Variants in XIRP1 observed in about 807,000 individuals in gnomAD.
XIRP1 encodes the protein xin actin binding repeat containing 1.
For missense variants in XIRP1, 2,378 were observed against 2,345.4 expected (o/e 1.01, Z -0.29); for synonymous variants, 984 against 947.0 (o/e 1.04, Z -0.72).
Position 39,184,088 on chromosome 3 carries a change from G to A in XIRP1, c.5358C>T (p.Ser1786=), listed in dbSNP as rs1338252104. 1.9e-6 allele frequency: 3 copies of A among 1,607,996 alleles called. No individual in the cohort carries two copies. The highest frequency in any genetic ancestry group is 2.6e-6 in the Non-Finnish European group (3 of 1,175,806). Residue 1786 remains serine (S), a synonymous_variant, in exon 2 of 2, where the codon TCC becomes TCT. Coordinates refer to ENST00000340369, the MANE Select transcript of XIRP1 (RefSeq NM_194293.4). ...GCTCTGCCTGCTCGGTGACTGTGGT[G>A]GAAGACATGAGGACTGTGTTCCCAA... ...DQFGNTVLMS[S]TTVTEQAEPP...
chr3:39,188,948 G>C lies in XIRP1; in HGVS notation c.498C>G (p.Asp166Glu), dbSNP rs115099187. Residue 166 changes from aspartate (D) to glutamate (E), a missense_variant, in exon 2 of 2, where the codon GAC becomes GAG. Physicochemically the swap from Asp to Glu is conservative, Grantham distance 45. Coordinates refer to ENST00000340369, the MANE Select transcript of XIRP1 (RefSeq NM_194293.4). The part of the protein sequence containing the change: ...ARWLFETKPL[D>E]ELTGQAKELE... Reference sequence around the variant, plus strand: ...GTTCCTTGGCTTGCCCTGTCAGCTCGTCCAGTGGCTTTGTCTCAAATAGCC... The same window carrying C: ...GTTCCTTGGCTTGCCCTGTCAGCTCCTCCAGTGGCTTTGTCTCAAATAGCC... The C allele has an allele frequency of 1.9e-5, 30 of 1,613,528 alleles. No individual in the cohort carries two copies. The African/African-American group carries it at 3.5e-4, about 19-fold the overall frequency.
In XIRP1 at chr3:39,184,533, G is replaced by A; in HGVS notation, c.4913C>T (p.Ala1638Val). Residue 1638 changes from alanine to valine, a missense_variant, in exon 2 of 2, where the codon GCC (alanine) becomes GTC (valine). Physicochemically the swap from Ala to Val is moderately conservative, Grantham distance 64. Transcript: ENST00000340369. ...CCTCCTGGTGGAAGGGGCAGTTGAG[G>A]CTGTGTGACCTCTGGCCTCTGTGTG... ...RNHTEARGHT[A>V]STAPSTRRQE... The A allele has an allele frequency of 1.2e-5, 19 of 1,613,754 alleles. No individual in the cohort carries two copies. The highest frequency in any genetic ancestry group is 1.6e-5 in the Non-Finnish European group (19 of 1,180,048).
Position 39,188,067 on chromosome 3 carries a change from G to A in XIRP1, c.1379C>T (p.Ala460Val). 1 of 1,614,184 alleles carries A rather than the reference G, an allele frequency of 6.2e-7. No homozygotes were observed. Among genetic ancestry groups the A allele is most frequent in the Non-Finnish European group, 8.5e-7 (1 of 1,180,028 alleles). ...LDSIGQGEVL[A>V]HGSPSREEGT... ...TTCTTCTCTGCTTGGACTCCCATGG[G>A]CCAGAACCTCACCCTGTCCAATGCT... Residue 460 changes from alanine to valine, a missense_variant, in exon 2 of 2, where the codon GCC becomes GTC. Ala to Val is a moderately conservative substitution (Grantham distance 64, BLOSUM62 0). Coordinates refer to ENST00000340369, the MANE Select transcript of XIRP1 (RefSeq NM_194293.4).
chr3:39,185,072 A>C lies in XIRP1; in HGVS notation c.4374T>G (p.Pro1458=). Residue 1458 remains proline (P), a synonymous_variant, in exon 2 of 2, where the codon CCT becomes CCG. Transcript: ENST00000340369. ...QPMEGSHQGA[P]ESPDSLQRNQ... ...TTCTTTGCAGACTGTCAGGGCTCTC[A>C]GGGGCCCCTTGGTGGGAACCTTCCA... 2 of 1,524,430 alleles carry C rather than the reference A, an allele frequency of 1.3e-6. No homozygotes were observed. The highest frequency in any genetic ancestry group is 1.8e-6 in the Non-Finnish European group (2 of 1,139,618). 94.4% of individuals were successfully genotyped at this position (1,524,430 alleles called of 1,614,324 possible).
chr3:39,186,595 C>G lies in XIRP1; in HGVS notation c.2851G>C (p.Asp951His), dbSNP rs758509230. The G allele has an allele frequency of 6.2e-7, 1 of 1,609,770 alleles. No individual in the cohort carries two copies. Among genetic ancestry groups the G allele is most frequent in the African/African-American group, 1.3e-5 (1 of 74,800 alleles). ...LHSLRWEPPA[D>H]PSPVPASEGA... Reference sequence around the variant, plus strand: ...TCGCTGGCTGGCACTGGACTCGGGTCAGCCGGGGGCTCCCACCGCAGACTG... The same window carrying G: ...TCGCTGGCTGGCACTGGACTCGGGTGAGCCGGGGGCTCCCACCGCAGACTG... The change falls in exon 2 of 2, where the codon GAC becomes CAC. Residue 951 changes from aspartate (D) to histidine (H), a missense_variant. Transcript: ENST00000340369.
Position 39,188,567 on chromosome 3 carries a change from C to A in XIRP1, c.879G>T (p.Gly293=), listed in dbSNP as rs894419722. 6.2e-7 allele frequency: 1 copy of A among 1,612,912 alleles called. No homozygotes were observed. The highest frequency in any genetic ancestry group is 8.5e-7 in the Non-Finnish European group (1 of 1,179,212). ...GCCGGGCCCCCTCCTCCAGGGAAAT[C>A]CCCCGGATCACCCGCACCTGGCTGG... ...QDPSQVRVIR[G]ISLEEGARPD... Residue 293 remains glycine (G), a synonymous_variant, in exon 2 of 2, where the codon GGG becomes GGT. Coordinates refer to ENST00000340369, the MANE Select transcript of XIRP1 (RefSeq NM_194293.4).
In XIRP1 at chr3:39,187,849, C is replaced by T. The variant is rs200522996; in HGVS notation, c.1597G>A (p.Val533Met). ...TCCTGCCGGGTGATGCCCCGCACCA[C>T]GTCGATGGTACTGGGGCTTCGGCCG... Reference protein sequence around the residue: ...QLGRSPSTIDVVRGITRQEVV... With the variant: ...QLGRSPSTIDMVRGITRQEVV... Residue 533 changes from valine to methionine, a missense_variant, in exon 2 of 2, where the codon GTG becomes ATG. Transcript: ENST00000340369. 121 of 1,614,172 alleles carry T rather than the reference C, an allele frequency of 7.5e-5. No individual in the cohort carries two copies. Among genetic ancestry groups the T allele is most frequent in the Middle Eastern group, 6.6e-4 (4 of 6,062 alleles).
In XIRP1 at chr3:39,188,159, G is replaced by T; in HGVS notation, c.1287C>A (p.Pro429=). ...CATCCCCCTTTAGCTCATCCCTCTG[G>T]GGGGCACTCTGAGAGAAGGGCAGTG... is the stretch of plus-strand genomic sequence containing the variant. ...SSALPFSQSA[P]QRDELKGDVK... The change falls in exon 2 of 2, where the codon CCC becomes CCA. Residue 429 remains proline (P), a synonymous_variant. Transcript: ENST00000340369. The T allele has an allele frequency of 6.2e-7, 1 of 1,614,150 alleles. No individual in the cohort carries two copies. Among genetic ancestry groups the T allele is most frequent in the Non-Finnish European group, 8.5e-7 (1 of 1,180,018 alleles).
At chr3:39,189,668 T>C in intron 1 of XIRP1, 143 bp from the exon 2 acceptor site, 1 of 619,522 alleles carries the variant, frequency 1.6e-6, no homozygotes, top group South Asian at 2.5e-5. Context: ...GGTCTTGAAC[T>C]TAGGACATGG....
Position 39,183,993 on chromosome 3 carries a change from G to A in XIRP1, c.5453C>T (p.Pro1818Leu), listed in dbSNP as rs2039911293. 6.2e-6 allele frequency: 10 copies of A among 1,612,734 alleles called. No individual in the cohort carries two copies. Among genetic ancestry groups the A allele is most frequent in the Non-Finnish European group, 8.5e-6 (10 of 1,179,946 alleles). ...TGTCAGGTCACTGCTGAACCCAGCT[G>A]GGCTGTGCAGGAACTGCCTCAGCAA... ...SPLLRQFLHS[P>L]AGFSSDLTEA... The change falls in exon 2 of 2, where the codon CCA becomes CTA. Residue 1818 changes from proline to leucine, a missense_variant. By Grantham distance (98) the Pro-to-Leu change is moderately conservative. Transcript: ENST00000340369.
In XIRP1 at chr3:39,184,253, A is replaced by C; in HGVS notation, c.5193T>G (p.Pro1731=). The C allele has an allele frequency of 6.2e-7, 1 of 1,614,140 alleles. No individual in the cohort carries two copies. The highest frequency in any genetic ancestry group is 8.5e-7 in the Non-Finnish European group (1 of 1,179,984). The change falls in exon 2 of 2, where the codon CCT becomes CCG. Residue 1731 remains proline (P), a synonymous_variant. Coordinates refer to ENST00000340369, the MANE Select transcript of XIRP1 (RefSeq NM_194293.4). ...KKDITQCSVQ[P]EPAPPSASPL... is the part of the protein sequence containing the mutation. ...GACTGGCTGAGGGAGGGGCAGGTTC[A>C]GGTTGCACAGAGCACTGGGTGATGT...
chr3:39,189,014 G>C lies in XIRP1; in HGVS notation c.432C>G (p.Thr144=). The change falls in exon 2 of 2, where the codon ACC becomes ACG. Residue 144 remains threonine (T), a synonymous_variant. Coordinates refer to ENST00000340369, the MANE Select transcript of XIRP1 (RefSeq NM_194293.4). ...CGTCTCCTCCACCTGGCTGGGGCCT[G>C]GTTGGCTCCTGGTCTGTGCTGTTGG... ...SFANSTDQEP[T]RPQPGGGDVR... is the part of the protein sequence containing the mutation. 6.2e-7 allele frequency: 1 copy of C among 1,613,996 alleles called. No individual in the cohort carries two copies. The highest frequency in any genetic ancestry group is 8.5e-7 in the Non-Finnish European group (1 of 1,180,052).
rs2125903250 is a variant in XIRP1 at position 39,188,782 on chromosome 3, G to C, written c.664C>G (p.Gln222Glu). 1 of 1,613,626 alleles carries C rather than the reference G, an allele frequency of 6.2e-7. No homozygotes were observed. Among genetic ancestry groups the C allele is most frequent in the East Asian group, 2.2e-5 (1 of 44,884 alleles). ...TTTTTCACATCACCCTTCAGCTCCT[G>C]GATCTCTGAGCGCAGTTCCAAGGGG... is the stretch of plus-strand genomic sequence containing the variant. ...QSPLELRSEI[Q>E]ELKGDVKKTV... The change falls in exon 2 of 2, where the codon CAG becomes GAG. Residue 222 changes from glutamine to glutamate, a missense_variant. Transcript: ENST00000340369.
Position 39,183,756 on chromosome 3 carries a change from T to C in XIRP1, c.*158A>G. 1 of 1,229,446 alleles carries C rather than the reference T, an allele frequency of 8.1e-7. No individual in the cohort carries two copies. Among genetic ancestry groups the C allele is most frequent in the Non-Finnish European group, 1.1e-6 (1 of 914,106 alleles). The allele number at this position is 1,229,446 out of a possible 1,614,324, so 76.2% of individuals were successfully genotyped here. A position where few individuals can be genotyped will look rare whatever the true frequency, so the allele number is the denominator to read the frequency against. On this transcript the variant is annotated 3_prime_UTR_variant, in exon 2 of 2. Transcript: ENST00000340369. ...TTTCCATTTGGAAGAACTGGGCCTA[T>C]TGAAAGAACTGCGAAAGGGAAATGG...
In XIRP1 at chr3:39,183,805, C is replaced by G; in HGVS notation, c.*109G>C. 7.0e-7 allele frequency: 1 copy of G among 1,425,598 alleles called. No individual in the cohort carries two copies. The allele number at this position is 1,425,598 out of a possible 1,614,324, so 88.3% of individuals were successfully genotyped here. ...GGCCCACAGTAATCCTCTGAAGATG[C>G]CATTTCCTCTTGGTCCTTGCTCCAG... On this transcript the variant is annotated 3_prime_UTR_variant, in exon 2 of 2. Coordinates refer to ENST00000340369, the MANE Select transcript of XIRP1 (RefSeq NM_194293.4).
Position 39,185,190 on chromosome 3 carries a change from T to C in XIRP1, c.4256A>G (p.Asn1419Ser). 2 of 1,613,074 alleles carry C rather than the reference T, an allele frequency of 1.2e-6. No homozygotes were observed. The highest frequency in any genetic ancestry group is 1.7e-6 in the Non-Finnish European group (2 of 1,179,382). The change falls in exon 2 of 2, where the codon AAT (asparagine) becomes AGT (serine). Residue 1419 changes from asparagine to serine, a missense_variant. Physicochemically the swap from Asn to Ser is conservative, Grantham distance 46. Transcript: ENST00000340369. ...CTTGGGGGGCTCAGAGCTCTGGGCATTGCTGCCTGTAGCCTGATTCTTGGT... is the reference window on the plus strand; with the variant it reads ...CTTGGGGGGCTCAGAGCTCTGGGCACTGCTGCCTGTAGCCTGATTCTTGGT... The part of the protein sequence containing the change: ...RPTKNQATGS[N>S]AQSSEPPKLN...
Position 39,183,692 on chromosome 3 carries a change from C to CACAGTTGCACAGAG in XIRP1, c.*221_*222insCTCTGTGCAACTGT. On this transcript the variant is annotated 3_prime_UTR_variant, in exon 2 of 2. Coordinates refer to ENST00000340369, the MANE Select transcript of XIRP1 (RefSeq NM_194293.4). ...GCTGGGAGCCCCCATCCTACCCCCA[C>CACAGTTGCACAGAG]GCCTGTGCAACTCTGTGGGCCTCTT... The CACAGTTGCACAGAG allele has an allele frequency of 1.4e-6, 1 of 720,952 alleles. No individual in the cohort carries two copies. The highest frequency in any genetic ancestry group is 2.1e-5 in the South Asian group (1 of 47,504). 44.7% of individuals were successfully genotyped at this position (720,952 alleles called of 1,614,324 possible).
In XIRP1 at chr3:39,188,536, C is replaced by T. The variant is rs751247242; in HGVS notation, c.910G>A (p.Val304Ile). ...ISLEEGARPD[V>I]SATRWIFETQ... The stretch of plus-strand genomic sequence containing the variant: ...TCAAAGATCCAGCGAGTTGCACTGA[C>T]GTCGGGCCGGGCCCCCTCCTCCAGG... The change falls in exon 2 of 2, where the codon GTC becomes ATC. Residue 304 changes from valine (V) to isoleucine (I), a missense_variant. Val to Ile is a conservative substitution (Grantham distance 29, BLOSUM62 3). Transcript: ENST00000340369. The T allele has an allele frequency of 9.9e-6, 16 of 1,610,554 alleles. No homozygotes were observed. The highest frequency in any genetic ancestry group is 1.6e-4 in the Middle Eastern group (1 of 6,078).
rs1323718163 is a variant in XIRP1 at position 39,185,993 on chromosome 3, A to C, written c.3453T>G (p.Phe1151Leu). The C allele has an allele frequency of 6.2e-7, 1 of 1,614,124 alleles. No individual in the cohort carries two copies. Among genetic ancestry groups the C allele is most frequent in the South Asian group, 1.1e-5 (1 of 91,082 alleles). ...GIYTAHPVRT[F>L]DPPGGVQLSQ... ...AAAGCTGGACACCCCCAGGTGGGTC[A>C]AAGGTCCTCACGGGATGAGCGGTGT... Residue 1151 changes from phenylalanine to leucine, a missense_variant, in exon 2 of 2, where the codon TTT (phenylalanine) becomes TTG (leucine). By Grantham distance (22) the Phe-to-Leu change is conservative. Transcript: ENST00000340369.
Sources: allele counts gnomAD v4.1 joint callset, GRCh38; gene constraint gnomAD v4.1.1; transcripts MANE v1.5; gene names NCBI Gene and HGNC (gene_info 2026-07-23, HGNC 2026-07-21).